The following CAMK4 variants were observed in gnomAD, a reference collection of about 807,000 sequenced individuals.
CAMK4 encodes calcium/calmodulin dependent protein kinase IV.
Under a neutral mutation model 44.9 loss-of-function variants are expected in CAMK4, and 22 were observed. That is an observed-to-expected ratio of 0.49 (90% CI 0.35 to 0.70). CAMK4 has a LOEUF of 0.70. Among genes scored for constraint, CAMK4 ranks in the 30% least tolerant of loss-of-function variants. CAMK4 has a pLI of 0.01. For missense variants in CAMK4, 498 were observed against 586.8 expected, an observed-to-expected ratio of 0.85 and a Z score of 1.56; for synonymous variants, 218 against 215.4, an observed-to-expected ratio of 1.01 and a Z score of -0.11.
At chr5:111,361,024 G>T (rs1461552661) in intron 2 of CAMK4, among the ~76,000 whole-genome samples, 8 of 151,976 alleles carry the variant, frequency 5.3e-5, no homozygotes, top group Admixed American at 5.3e-4. Flanking sequence ...CCATGTGAGA[G>T]CCTCTCTTTC....
At chr5:111,224,329 C>G, upstream of CAMK4, 2 of 1,132,404 alleles carry the variant, frequency 1.8e-6, no homozygotes, top group Non-Finnish European at 2.3e-6. This position sits in a 1 kb window ranked among gnomAD's most constrained non-coding sequence, Gnocchi z 5.7. Flanking sequence ...CGCCCACCGT[C>G]CCTGCGAGCG....
At chr5:111,379,864 C>T (rs1751349680) in intron 4 of CAMK4, among the ~76,000 whole-genome samples, 1 of 151,820 alleles carries the variant, frequency 6.6e-6, no homozygotes, top group South Asian at 2.1e-4. Flanking sequence ...AGTCAAAATC[C>T]AAGTAGAATC....
intron 2 of CAMK4, among the ~76,000 whole-genome samples, chr5:111,369,178 G>A (rs1033987335): frequency 1.3e-5 from 2 of 151,692 alleles, no homozygotes; most frequent in Admixed American, 6.6e-5. Context: ...TGATCTTTCT[G>A]CCTCAGCCTC....
At chr5:111,233,128 C>T (rs1191421826) in intron 1 of CAMK4, among the ~76,000 whole-genome samples, 1 of 152,144 alleles carries the variant, frequency 6.6e-6, no homozygotes, top group Non-Finnish European at 1.5e-5. Context: ...TCAAACGGCT[C>T]CTAGGTCTGG....
Position 111,255,252 on chromosome 5 carries a change from A to G in CAMK4, c.161+30608A>G, listed in dbSNP as rs573733699. On this transcript the variant is annotated intron_variant, in intron 1 of 10. Coordinates refer to ENST00000282356, the MANE Select transcript of CAMK4 (RefSeq NM_001744.6). ...CCTTATAAATAACTTTGGTCTGCCC[A>G]TCCTGTGCCATCATCACTTCCATTG... Among the ~76,000 whole-genome samples, 20 of 152,284 alleles carry G rather than the reference A, an allele frequency of 1.3e-4. No homozygotes were observed. The South Asian group carries it at 4.1e-3, about 32-fold the overall frequency.
In CAMK4 at chr5:111,298,957, G is replaced by A. The variant is rs189070582; in HGVS notation, c.162-45067G>A. ...TTGACGACCACCTGCAGAGATGGTG[G>A]GCATCTCTAGGCTCTGGCCTATGCT... On this transcript the variant is annotated intron_variant, in intron 1 of 10. Transcript: ENST00000282356. 3.9e-5 allele frequency among the ~76,000 whole-genome samples: 6 copies of A among 152,332 alleles called. No homozygotes were observed. The East Asian group carries it at 9.7e-4, about 25-fold the overall frequency.
At chr5:111,459,822 C>A (rs1194073267) in intron 7 of CAMK4, among the ~76,000 whole-genome samples, 1 of 151,490 alleles carries the variant, frequency 6.6e-6, no homozygotes, top group Non-Finnish European at 1.5e-5. Flanking sequence ...CCTGCCTCAG[C>A]CTCCCAAGTA....
intron 5 of CAMK4, among the ~76,000 whole-genome samples, chr5:111,421,093 T>G (rs554911436): frequency 8.2e-4 from 125 of 152,334 alleles, no homozygotes; most frequent in African/African-American, 2.9e-3. Flanking sequence ...TAAGAAATTA[T>G]AAAAGTATTA....
At chr5:111,251,698 C>T (rs529767493) in intron 1 of CAMK4, among the ~76,000 whole-genome samples, 40 of 152,284 alleles carry the variant, frequency 2.6e-4, no homozygotes, top group African/African-American at 9.4e-4. Context: ...TCTTTCCCTC[C>T]CTTTAAAGGC....
chr5:111,250,720 A>T (rs1749448904), intron 1 of CAMK4, among the ~76,000 whole-genome samples: 1 of 152,042 alleles, frequency 6.6e-6, no homozygotes, highest in Admixed American at 6.6e-5. Flanking sequence ...CTCCATCACC[A>T]CTATGATCTT....
chr5:111,321,982 G>A (rs559321643), intron 1 of CAMK4, among the ~76,000 whole-genome samples: 2 of 151,970 alleles, frequency 1.3e-5, no homozygotes, highest in Non-Finnish European at 2.9e-5. Flanking sequence ...AATTCAATAA[G>A]GTGATAAAAA....
At chr5:111,451,895 T>A (rs1285881265) in intron 7 of CAMK4, among the ~76,000 whole-genome samples, 1 of 152,174 alleles carries the variant, frequency 6.6e-6, no homozygotes, top group East Asian at 1.9e-4. Flanking sequence ...GGAAACCTGG[T>A]CTCAGGGAAA....
rs370589508 is a variant in CAMK4, at chr5:111,484,709, C to A, written c.*243C>A. 2.3e-5 allele frequency: 8 copies of A among 344,626 alleles called. No individual in the cohort carries two copies. The East Asian group carries it at 3.5e-4, about 15-fold the overall frequency. The allele number at this position is 344,626 out of a possible 1,614,324, so 21.3% of individuals were successfully genotyped here. A position where few individuals can be genotyped will look rare whatever the true frequency, so the allele number is the denominator to read the frequency against. Reference sequence around the variant, plus strand: ...ATGAGTTAAATCTTGCAAGTTAACACAACGTAACACTTAAAAGCATACATT... The same window carrying A: ...ATGAGTTAAATCTTGCAAGTTAACAAAACGTAACACTTAAAAGCATACATT... On this transcript the variant is annotated 3_prime_UTR_variant, in exon 11 of 11. Coordinates refer to ENST00000282356, the MANE Select transcript of CAMK4 (RefSeq NM_001744.6). The surrounding 1 kb of genome is among the most constrained non-coding windows in gnomAD (Gnocchi z 5.3).
rs1751384839 is a variant in CAMK4 at position 111,290,044 on chromosome 5, GGTAA to G, written c.162-53976_162-53973del. Among the ~76,000 whole-genome samples the G allele has an allele frequency of 1.3e-5, 2 of 152,284 alleles. No homozygotes were observed. Among genetic ancestry groups the G allele is most frequent in the Middle Eastern group, 3.4e-3 (1 of 294 alleles). On this transcript the variant is annotated intron_variant, in intron 1 of 10. Coordinates refer to ENST00000282356, the MANE Select transcript of CAMK4 (RefSeq NM_001744.6). This position sits in a 1 kb window ranked among gnomAD's most constrained non-coding sequence, Gnocchi z 4.5. The stretch of plus-strand genomic sequence containing the variant: ...AATACAAATTACACACATGGAAGAT[GGTAA>G]GTATTGGTGAGAAGAGCCCATCCCA...
intron 1 of CAMK4, among the ~76,000 whole-genome samples, chr5:111,326,594 T>C (rs142810634): frequency 2.5e-4 from 38 of 151,030 alleles, no homozygotes; most frequent in African/African-American, 8.2e-4. Flanking sequence ...TTTTTTTAAA[T>C]AGAAGGAAAT....
intron 1 of CAMK4, among the ~76,000 whole-genome samples, chr5:111,226,942 C>T (rs1393939929): frequency 1.3e-5 from 2 of 152,166 alleles, no homozygotes; most frequent in African/African-American, 4.8e-5. Flanking sequence ...CTAAGATTCT[C>T]GCTCTATTAT....
intron 2 of CAMK4, among the ~76,000 whole-genome samples, chr5:111,350,838 G>A (rs772146165): frequency 3.3e-5 from 5 of 152,062 alleles, no homozygotes; most frequent in Non-Finnish European, 5.9e-5. Context: ...CATTCTGTGA[G>A]TTGGTTTTTA....
At chr5:111,459,672 A>G (rs1317530633) in intron 7 of CAMK4, among the ~76,000 whole-genome samples, 2 of 141,140 alleles carry the variant, frequency 1.4e-5, no homozygotes, top group Non-Finnish European at 3.0e-5. Context: ...GTTCTCTTTG[A>G]GTTTAGAGAC....
chr5:111,459,546 A>C (rs938278202), intron 7 of CAMK4, among the ~76,000 whole-genome samples: 2 of 152,228 alleles, frequency 1.3e-5, no homozygotes, highest in Non-Finnish European at 2.9e-5. Context: ...AACTAAGTTG[A>C]GGATTTTGGC....
Sources: allele counts gnomAD v4.1 joint callset (sites outside exome capture counted in the v4.1 genomes callset), GRCh38; gene constraint gnomAD v4.1.1; non-coding constraint Gnocchi (gnomAD v3.1); transcripts MANE v1.5; gene names NCBI Gene and HGNC (gene_info 2026-07-23, HGNC 2026-07-21).